Variants in CUX1 observed in about 807,000 individuals in gnomAD.
CUX1 encodes the protein cut like homeobox 1.
CUX1 carries 31 observed loss-of-function variants against 158.8 expected under a neutral mutation model. That is an observed-to-expected ratio of 0.20 (90% CI 0.15 to 0.26). CUX1 has a LOEUF of 0.26. Ranked by LOEUF, CUX1 falls within the 10% of genes least tolerant of loss-of-function variation. The probability of loss-of-function intolerance (pLI) is 1.00; values close to 1 mark genes in which losing one functional copy is unlikely to be tolerated. For synonymous variants in CUX1, 879 were observed against 862.1 expected, an observed-to-expected ratio of 1.02 and a Z score of -0.34; for missense variants, 1,589 against 2,014.6, an observed-to-expected ratio of 0.79 and a Z score of 4.04.
intron 1 of CUX1, among the ~76,000 whole-genome samples, chr7:101,853,560 A>G (rs930782757): frequency 1.3e-5 from 2 of 151,062 alleles, no homozygotes; most frequent in Non-Finnish European, 2.9e-5. Flanking sequence ...GTTTGTTCAT[A>G]TATCAGAGCA....
intron 20 of CUX1, among the ~76,000 whole-genome samples, chr7:102,225,078 C>T (rs1554528195): frequency 6.6e-6 from 1 of 152,138 alleles, no homozygotes; most frequent in East Asian, 1.9e-4. Context: ...TCTCTGGTGA[C>T]CCGGGGGGTG....
rs1396065430 is a variant in CUX1, at chr7:102,254,474, C to A, written c.*5432C>A. ...GTCCACAGTGGCATCACCCTCTTATCCCAAAAGAATATGCCAGTTCCCATC... is the reference window on the plus strand; with the variant it reads ...GTCCACAGTGGCATCACCCTCTTATACCAAAAGAATATGCCAGTTCCCATC... On this transcript the variant is annotated 3_prime_UTR_variant, in exon 24 of 24. Coordinates refer to ENST00000292535, the MANE Select transcript of CUX1 (RefSeq NM_181552.4). 1.8e-5 allele frequency: 18 copies of A among 985,374 alleles called. No homozygotes were observed. The Admixed American group carries it at 8.6e-4, about 47-fold the overall frequency. The allele number at this position is 985,374 out of a possible 1,614,324, so 61.0% of individuals were successfully genotyped here.
chr7:102,252,922 G>C lies in CUX1; in HGVS notation c.*3880G>C, dbSNP rs1554540673. ...CAGCTTCTAAGCGTCTCCTGGGACA[G>C]GATTGGGGTGACAGCCCAGGGATGC... On this transcript the variant is annotated 3_prime_UTR_variant, in exon 24 of 24. Coordinates refer to ENST00000292535, the MANE Select transcript of CUX1 (RefSeq NM_181552.4). 4 of 985,366 alleles carry C rather than the reference G, an allele frequency of 4.1e-6. No individual in the cohort carries two copies. In the African/African-American group the frequency reaches 7.0e-5, roughly 17 times the overall value. The allele number at this position is 985,366 out of a possible 1,614,324, so 61.0% of individuals were successfully genotyped here.
chr7:102,280,754 G>A, intron 19 of CUX1: 1 of 1,594,010 alleles, frequency 6.3e-7, no homozygotes, highest in Non-Finnish European at 8.6e-7. Flanking sequence ...CACAAGCCAG[G>A]GCCTGTGAGG....
chr7:102,183,305 C>T (rs1295535065), intron 11 of CUX1, among the ~76,000 whole-genome samples: 12 of 151,982 alleles, frequency 7.9e-5, no homozygotes, highest in South Asian at 2.1e-4. Flanking sequence ...TGAGCCATCG[C>T]GCCCGGCCCC....
intron 2 of CUX1, among the ~76,000 whole-genome samples, chr7:101,987,221 A>G (rs925004622): frequency 1.3e-5 from 2 of 152,328 alleles, no homozygotes; most frequent in South Asian, 2.1e-4. Flanking sequence ...TCATCGATGA[A>G]TGAGTGTGGG....
At chr7:102,038,241 G>C (rs112178031) in intron 3 of CUX1, among the ~76,000 whole-genome samples, 4 of 152,294 alleles carry the variant, frequency 2.6e-5, no homozygotes, top group African/African-American at 9.6e-5. Context: ...GAAGCATACT[G>C]TCTAGGGCTG....
intron 21 of CUX1, among the ~76,000 whole-genome samples, chr7:102,227,870 A>G (rs550926793): frequency 2.7e-5 from 4 of 149,454 alleles, no homozygotes; most frequent in African/African-American, 9.9e-5. Flanking sequence ...CCCACCCTGC[A>G]CCCCCACGGG....
At chr7:101,844,251 A>G (rs1410943953) in intron 1 of CUX1, among the ~76,000 whole-genome samples, 1 of 126,102 alleles carries the variant, frequency 7.9e-6, no homozygotes, top group African/African-American at 3.0e-5. Flanking sequence ...CCTGGTTTGC[A>G]CGTTGTCCAC....
At chr7:102,017,107 C>T (rs1425213292) in intron 2 of CUX1, among the ~76,000 whole-genome samples, 2 of 151,994 alleles carry the variant, frequency 1.3e-5, no homozygotes. Context: ...AGTTTGAGAC[C>T]AGCCTGGCCA....
At position 102,257,881 on chromosome 7, in the gene CUX1, G is replaced by GA. The variant is rs1176575458; in HGVS notation, c.*8850dup. On this transcript the variant is annotated 3_prime_UTR_variant, in exon 24 of 24. Transcript: ENST00000292535. ...CCCAATTGACCAAAAAAGAAAAAAGGAAAAAAAAAAAGTCGTCTTTTTTTT... is the reference window on the plus strand; with the variant it reads ...CCCAATTGACCAAAAAAGAAAAAAGGAAAAAAAAAAAAGTCGTCTTTTTTTT... 8,217 of 630,084 alleles carry GA rather than the reference G, an allele frequency of 0.013. No individual in the cohort carries two copies. Among genetic ancestry groups the GA allele is most frequent in the Non-Finnish European group, 0.015 (7,487 of 514,208 alleles). The allele number at this position is 630,084 out of a possible 1,614,324, so 39.0% of individuals were successfully genotyped here.
At chr7:101,842,506 G>A (rs1378623471) in intron 1 of CUX1, among the ~76,000 whole-genome samples, 1 of 152,130 alleles carries the variant, frequency 6.6e-6, no homozygotes, top group Non-Finnish European at 1.5e-5. Context: ...TTGTGCCTCA[G>A]CCTCCCAAGA....
chr7:101,998,637 CTGATTTCAA>C (rs1209667591), intron 2 of CUX1, among the ~76,000 whole-genome samples: 1 of 152,156 alleles, frequency 6.6e-6, no homozygotes, highest in Non-Finnish European at 1.5e-5. Context: ...TTTGGCTTTC[CTGATTTCAA>C]TCTTTCTGAA....
At chr7:101,836,075 T>G (rs538688590) in intron 1 of CUX1, among the ~76,000 whole-genome samples, 2 of 152,350 alleles carry the variant, frequency 1.3e-5, no homozygotes, top group African/African-American at 4.8e-5. Context: ...TCGACTATAG[T>G]CACCCTGTTG....
intron 21 of CUX1, among the ~76,000 whole-genome samples, chr7:102,282,416 C>A (rs2974959): frequency 0.9 from 136,507 of 152,122 alleles, 61,471 homozygotes; most frequent in East Asian, 0.97. Context: ...TCCTGTCCCC[C>A]GCACAGTCAA....
At chr7:102,080,393 C>T (rs1827242381) in intron 4 of CUX1, among the ~76,000 whole-genome samples, 1 of 152,164 alleles carries the variant, frequency 6.6e-6, no homozygotes, top group Non-Finnish European at 1.5e-5. Flanking sequence ...AGTTGATTTT[C>T]TTAATGAGAC....
At chr7:101,848,203 A>G (rs1055109263) in intron 1 of CUX1, among the ~76,000 whole-genome samples, 2 of 152,172 alleles carry the variant, frequency 1.3e-5, no homozygotes, top group Non-Finnish European at 2.9e-5. Context: ...CGTTGTTTAC[A>G]TGTTTTATTT....
intron 2 of CUX1, among the ~76,000 whole-genome samples, chr7:101,973,962 G>T (rs912419628): frequency 1.3e-5 from 2 of 151,422 alleles, no homozygotes; most frequent in Admixed American, 1.3e-4. Flanking sequence ...TAGAGACGGG[G>T]TTTCACTATG....
intron 1 of CUX1, among the ~76,000 whole-genome samples, chr7:101,838,284 C>T (rs1794850383): frequency 6.6e-6 from 1 of 151,588 alleles, no homozygotes; most frequent in Non-Finnish European, 1.5e-5. Context: ...CGCCTGCCAC[C>T]ATGCCCGGCT....
Sources: gnomAD v4.1 joint callset for allele counts (sites outside exome capture counted in the v4.1 genomes callset) on GRCh38, gnomAD v4.1.1 for gene constraint, MANE v1.5 for transcripts, NCBI Gene and HGNC (gene_info 2026-07-23, HGNC 2026-07-21) for gene names.